Variants in ANK2 observed in about 807,000 individuals in gnomAD.
The protein encoded by ANK2 is ankyrin 2.
A neutral mutation model predicts 360.5 loss-of-function variants in ANK2; 83 were observed. The ratio of observed to expected loss-of-function variants is 0.23; its 90% CI spans 0.19 to 0.28. The LOEUF (loss-of-function observed/expected upper bound fraction) is 0.28. Ranked by LOEUF, ANK2 falls within the 10% of genes least tolerant of loss-of-function variation. The pLI is 1.00. For missense variants in ANK2, 4,201 were observed against 4,795.7 expected (o/e 0.88, Z 3.66); for synonymous variants, 1,740 against 1,759.5 (o/e 0.99, Z 0.28).
rs1562805147 is a variant in ANK2, at chr4:113,196,365, C to G, written c.187-3C>G. Reference sequence around the variant, plus strand: ...TTAAAGCCTTGTTTGTTTCTTCTCTCAGAATGGACTCAACGCTCTCCATCT... The same window carrying G: ...TTAAAGCCTTGTTTGTTTCTTCTCTGAGAATGGACTCAACGCTCTCCATCT... On this transcript the variant is annotated splice_region_variant and splice_polypyrimidine_tract_variant and intron_variant, in intron 2 of 45. Transcript: ENST00000357077. The G allele has an allele frequency of 1.9e-6, 3 of 1,612,596 alleles. No homozygotes were observed. Among genetic ancestry groups the G allele is most frequent in the Non-Finnish European group, 1.7e-6 (2 of 1,179,288 alleles).
intron 24 of ANK2, chr4:113,313,615 A>G (rs1587978259): frequency 6.6e-6 from 1 of 152,576 alleles, no homozygotes; most frequent in African/African-American, 2.4e-5. Context: ...GCAATTCAAT[A>G]TAAGTTACCT....
At chr4:112,948,237 C>T (rs1369068778) in intron 2 of ANK2, among the ~76,000 whole-genome samples, 1 of 152,160 alleles carries the variant, frequency 6.6e-6, no homozygotes, top group Admixed American at 6.5e-5. Flanking sequence ...GAGGGGCTGG[C>T]AGCTGCCTTG....
chr4:112,963,347 A>G (rs929593921), intron 2 of ANK2, among the ~76,000 whole-genome samples: 1 of 152,192 alleles, frequency 6.6e-6, no homozygotes, highest in Non-Finnish European at 1.5e-5. Flanking sequence ...TGGGAACTCA[A>G]TCTGTTTCAT....
chr4:113,113,641 G>A (rs559616133), intron 1 of ANK2, among the ~76,000 whole-genome samples: 11 of 152,186 alleles, frequency 7.2e-5, no homozygotes, highest in Non-Finnish European at 1.2e-4. Context: ...CTTTTGTTAC[G>A]AGCTCAAAAT....
chr4:113,078,298 C>T (rs1477351620), intron 1 of ANK2, among the ~76,000 whole-genome samples: 2 of 152,150 alleles, frequency 1.3e-5, no homozygotes, highest in Non-Finnish European at 2.9e-5. Flanking sequence ...AAAGTGAACC[C>T]ATATGCCAGT....
chr4:112,850,362 C>T (rs1025891059), intron 1 of ANK2, among the ~76,000 whole-genome samples: 2 of 151,160 alleles, frequency 1.3e-5, no homozygotes, highest in East Asian at 1.9e-4. Context: ...TCCATCCACC[C>T]ATTCATCTCT....
At position 113,369,606 on chromosome 4, in the gene ANK2, C is replaced by T. The variant is rs766529051; in HGVS notation, c.11411C>T (p.Pro3804Leu). 2.5e-6 allele frequency: 4 copies of T among 1,614,148 alleles called. No homozygotes were observed. Residue 3804 changes from proline (P) to leucine (L), a missense_variant, in exon 43 of 46, where the codon CCT becomes CTT. Physicochemically the swap from Pro to Leu is moderately conservative, Grantham distance 98. Transcript: ENST00000357077. ...PSKTPEEVST[P>L]AEEEKLYLQT... ...AAGACACCTGAGGAAGTTAGCACCC[C>T]TGCAGAGGAGGAGAAGCTGTACCTC...
At chr4:112,877,561 C>T (rs2075473732) in intron 1 of ANK2, among the ~76,000 whole-genome samples, 1 of 152,126 alleles carries the variant, frequency 6.6e-6, no homozygotes. Flanking sequence ...AAAGTATGAG[C>T]TACAAAGGAT....
At chr4:113,349,273 A>G (rs993289598) in intron 36 of ANK2, among the ~76,000 whole-genome samples, 4 of 144,620 alleles carry the variant, frequency 2.8e-5, no homozygotes, top group African/African-American at 1.1e-4. Flanking sequence ...AATGAAAAAC[A>G]TAATTGGAAA....
the ANK2 span, among the ~76,000 whole-genome samples, chr4:112,810,412 CTG>C: frequency 6.6e-6 from 1 of 152,158 alleles, no homozygotes; most frequent in East Asian, 1.9e-4. Context: ...CAGATTTCCT[CTG>C]TTGGCCCCAG....
intron 2 of ANK2, among the ~76,000 whole-genome samples, chr4:112,960,815 C>G (rs77204325): frequency 6.6e-6 from 1 of 152,118 alleles, no homozygotes; most frequent in East Asian, 1.9e-4. Flanking sequence ...TGCCTTTCCC[C>G]TTTTTACCTT....
chr4:113,110,470 C>T (rs1255051114), intron 1 of ANK2, among the ~76,000 whole-genome samples: 1 of 152,102 alleles, frequency 6.6e-6, no homozygotes, highest in African/African-American at 2.4e-5. Context: ...CAGGTGCAAG[C>T]ATATCTTATG....
chr4:113,209,946 C>T (rs979666982), intron 4 of ANK2, among the ~76,000 whole-genome samples: 2 of 152,190 alleles, frequency 1.3e-5, no homozygotes, highest in Admixed American at 6.5e-5. Flanking sequence ...TTCAGTCCTC[C>T]GTTCCCCCTT....
At chr4:112,989,173 G>A (rs372555090) in intron 2 of ANK2, among the ~76,000 whole-genome samples, 3 of 152,254 alleles carry the variant, frequency 2.0e-5, no homozygotes, top group African/African-American at 7.2e-5. Flanking sequence ...AGAAAACTGA[G>A]ACACAAAGAG....
In ANK2 at chr4:112,930,216, G is replaced by A. The variant is rs1445730115; in HGVS notation, c.21+25702G>A. ...CCCAGCACTTTTTGGGGGCTGAGGC[G>A]GGCAGATTGTTTGAGCCAAGGAGTT... On this transcript the variant is annotated intron_variant, in intron 2 of 30. Coordinates refer to the ANK2 transcript ENST00000503271. Among the ~76,000 whole-genome samples, 3 of 151,892 alleles carry A rather than the reference G, an allele frequency of 2.0e-5. 1 individual carries two copies. The highest frequency in any genetic ancestry group is 3.9e-4 in the East Asian group (2 of 5,170).
rs111996761 is a variant in ANK2, at chr4:112,833,577, C to T, written c.-40+15313C>T. On this transcript the variant is annotated intron_variant, in intron 1 of 30. Transcript: ENST00000503271. ...GGAGTGCAGTGGCGCCATCTCTGCT[C>T]ACTGCAAGCTCCGCCTCCCGGGTTC... is the stretch of plus-strand genomic sequence containing the variant. Among the ~76,000 whole-genome samples the T allele has an allele frequency of 2.6e-4, 39 of 151,416 alleles. No individual in the cohort carries two copies. The East Asian group carries it at 7.2e-3, about 28-fold the overall frequency.
chr4:113,062,228 GA>G (rs1404800419), intron 1 of ANK2, among the ~76,000 whole-genome samples: 2 of 152,038 alleles, frequency 1.3e-5, no homozygotes, highest in Non-Finnish European at 2.9e-5. Context: ...TCTATGTCAG[GA>G]TCTATTGGCA....
intron 4 of ANK2, among the ~76,000 whole-genome samples, chr4:113,230,296 A>G (rs1462910901): frequency 1.3e-5 from 2 of 152,108 alleles, no homozygotes; most frequent in Non-Finnish European, 2.9e-5. Context: ...ATTTTGCTGG[A>G]TGTTGGCCAT....
At chr4:113,329,144 T>C (rs920486525) in intron 26 of ANK2, among the ~76,000 whole-genome samples, 1 of 152,248 alleles carries the variant, frequency 6.6e-6, no homozygotes, top group African/African-American at 2.4e-5. Flanking sequence ...TATGTCTTTG[T>C]ATACGTATAC....
Sources: allele counts gnomAD v4.1 joint callset (sites outside exome capture counted in the v4.1 genomes callset), GRCh38; gene constraint gnomAD v4.1.1; transcripts MANE v1.5; gene names NCBI Gene and HGNC (gene_info 2026-07-23, HGNC 2026-07-21).